Variants in MCC observed in about 807,000 individuals in gnomAD.
The protein encoded by MCC is colorectal mutant cancer protein.
A neutral mutation model predicts 116.2 loss-of-function variants in MCC; 90 were observed. The ratio of observed to expected loss-of-function variants is 0.77; its 90% CI spans 0.65 to 0.92. The LOEUF (loss-of-function observed/expected upper bound fraction) is 0.92, where lower values mean the gene tolerates loss of function less well. Ranked by LOEUF, MCC falls within the 40% of genes least tolerant of loss-of-function variation. MCC has a pLI of 0.00. For synonymous variants in MCC, 578 were observed against 510.5 expected (o/e 1.13, Z -1.78); for missense variants, 1,516 against 1,312.2 (o/e 1.16, Z -2.40).
intron 3 of MCC, among the ~76,000 whole-genome samples, chr5:113,287,796 A>G (rs36120874): frequency 0.14 from 21,650 of 152,236 alleles, 2,101 homozygotes; most frequent in Non-Finnish European, 0.2. Context: ...CCTACTCTAG[A>G]TAAGTGTGCC....
rs572151663 is a variant in MCC at position 113,380,090 on chromosome 5, T to C, written c.415+4878A>G. 5.9e-5 allele frequency among the ~76,000 whole-genome samples: 9 copies of C among 152,372 alleles called. No homozygotes were observed. In the East Asian group the frequency reaches 1.7e-3, roughly 29 times the overall value. On this transcript the variant is annotated intron_variant, in intron 2 of 18. Coordinates refer to ENST00000408903, the MANE Select transcript of MCC (RefSeq NM_001085377.2). ...AAATTCCTCTTCCGAGCTGAGCATG[T>C]AATGTTTTGACTAGTCTTTTTCTGC...
intron 3 of MCC, among the ~76,000 whole-genome samples, chr5:113,242,311 T>C (rs1420161913): frequency 1.3e-5 from 2 of 152,190 alleles, no homozygotes; most frequent in South Asian, 2.1e-4. Flanking sequence ...ATTCACATCA[T>C]TGGTAAGTAT....
intron 2 of MCC, among the ~76,000 whole-genome samples, chr5:113,358,046 T>C (rs1001240093): frequency 1.3e-5 from 2 of 152,218 alleles, no homozygotes; most frequent in African/African-American, 4.8e-5. Flanking sequence ...CCTTATGCCC[T>C]TTGGTCAAAT....
At chr5:113,271,552 C>G (rs1765618935) in intron 3 of MCC, among the ~76,000 whole-genome samples, 1 of 152,154 alleles carries the variant, frequency 6.6e-6, no homozygotes, top group Non-Finnish European at 1.5e-5. Flanking sequence ...CCAGGACTAG[C>G]ATAGTTTTTG....
At chr5:113,448,692 T>C (rs1364815799) in intron 1 of MCC, among the ~76,000 whole-genome samples, 1 of 152,174 alleles carries the variant, frequency 6.6e-6, no homozygotes, top group Non-Finnish European at 1.5e-5. Flanking sequence ...TTTTGTACCT[T>C]AAGATTTTCT....
At chr5:113,471,521 T>G (rs1045988290) in intron 1 of MCC, among the ~76,000 whole-genome samples, 1 of 152,084 alleles carries the variant, frequency 6.6e-6, no homozygotes, top group Non-Finnish European at 1.5e-5. Flanking sequence ...TGCCTGATCG[T>G]TCCTCTGGAA....
At chr5:113,239,329 C>T (rs952515093) in intron 3 of MCC, among the ~76,000 whole-genome samples, 7 of 152,142 alleles carry the variant, frequency 4.6e-5, no homozygotes, top group African/African-American at 1.4e-4. Context: ...GGGTCTCTTT[C>T]GGAGATAAAT....
intron 2 of MCC, among the ~76,000 whole-genome samples, chr5:113,369,982 TA>T (rs1182259819): frequency 6.6e-6 from 1 of 152,196 alleles, no homozygotes; most frequent in African/African-American, 2.4e-5. Context: ...AGACTAAACA[TA>T]TTCTCTGGTA....
At chr5:113,415,489 C>T (rs255871) in intron 1 of MCC, among the ~76,000 whole-genome samples, 19,414 of 152,026 alleles carry the variant, frequency 0.13, 1,460 homozygotes, top group African/African-American at 0.16. Flanking sequence ...TTTCTCTAAC[C>T]TTCTCTTCTT....
At chr5:113,088,479 G>C (rs1185572170) in intron 8 of MCC, among the ~76,000 whole-genome samples, 1 of 150,982 alleles carries the variant, frequency 6.6e-6, no homozygotes, top group Non-Finnish European at 1.5e-5. Flanking sequence ...TCAAAATAGG[G>C]TCTTTGTAGA....
chr5:113,477,388 G>C (rs1772260464), intron 1 of MCC, among the ~76,000 whole-genome samples: 2 of 152,180 alleles, frequency 1.3e-5, no homozygotes, highest in South Asian at 4.1e-4. Flanking sequence ...ATAATCATAG[G>C]TCACAGAGGC....
chr5:113,059,814 G>A (rs990832653), intron 14 of MCC, among the ~76,000 whole-genome samples: 3 of 152,186 alleles, frequency 2.0e-5, no homozygotes, highest in African/African-American at 7.2e-5. Context: ...GTGGGAATGC[G>A]GGGCTGGCTG....
chr5:113,069,154 T>C lies in MCC; in HGVS notation c.1926-971A>G, dbSNP rs141032900. On this transcript the variant is annotated intron_variant, in intron 12 of 18. Transcript: ENST00000408903. ...CCATACATGGCCAGTGGTTACCATA[T>C]TGGGCAGTGCATGTAGAGAACAGTT... 2.3e-3 allele frequency among the ~76,000 whole-genome samples: 352 copies of C among 152,372 alleles called. 2 individuals carry two copies. Among genetic ancestry groups the C allele is most frequent in the African/African-American group, 8.0e-3 (331 of 41,586 alleles).
intron 2 of MCC, among the ~76,000 whole-genome samples, chr5:113,365,202 A>G (rs959535125): frequency 6.6e-6 from 1 of 152,078 alleles, no homozygotes; most frequent in Non-Finnish European, 1.5e-5. Context: ...CACACATATG[A>G]GCATAGGCTG....
intron 3 of MCC, among the ~76,000 whole-genome samples, chr5:113,200,815 G>A (rs1486336003): frequency 6.6e-6 from 1 of 152,202 alleles, no homozygotes; most frequent in African/African-American, 2.4e-5. Flanking sequence ...CCAGCAGTGA[G>A]GCCTGAAGAC....
At chr5:113,449,171 T>C (rs1771311150) in intron 1 of MCC, among the ~76,000 whole-genome samples, 1 of 152,164 alleles carries the variant, frequency 6.6e-6, no homozygotes, top group Non-Finnish European at 1.5e-5. Context: ...TCAGAGAAGA[T>C]CCTTACTGGA....
intron 2 of MCC, among the ~76,000 whole-genome samples, chr5:113,379,150 G>A (rs1215656214): frequency 6.6e-6 from 1 of 152,146 alleles, no homozygotes; most frequent in Non-Finnish European, 1.5e-5. Context: ...CCTCTGGGTG[G>A]CAGTGTTATT....
At chr5:113,483,126 T>C (rs1480814575) in intron 1 of MCC, among the ~76,000 whole-genome samples, 2 of 152,220 alleles carry the variant, frequency 1.3e-5, no homozygotes, top group Non-Finnish European at 2.9e-5. Context: ...TCCATTGACC[T>C]ATTTGTGTAT....
At chr5:113,322,031 C>G (rs1767434181) in intron 3 of MCC, among the ~76,000 whole-genome samples, 1 of 152,120 alleles carries the variant, frequency 6.6e-6, no homozygotes, top group Non-Finnish European at 1.5e-5. Flanking sequence ...GGAGTTTCAC[C>G]TTATTGGTCA....
Sources: gnomAD v4.1 joint callset for allele counts (sites outside exome capture counted in the v4.1 genomes callset) on GRCh38, gnomAD v4.1.1 for gene constraint, MANE v1.5 for transcripts, NCBI Gene and HGNC (gene_info 2026-07-23, HGNC 2026-07-21) for gene names.